NLGN1: variants seen among roughly 807,000 people sequenced by gnomAD.
The protein encoded by NLGN1 is neuroligin-1.
A neutral mutation model predicts 65.5 loss-of-function variants in NLGN1; 12 were observed. The observed-to-expected ratio is 0.18, with a 90% confidence interval of 0.12 to 0.30. The LOEUF (loss-of-function observed/expected upper bound fraction) is 0.30, where lower values mean the gene tolerates loss of function less well. NLGN1 is among the 10% of genes least tolerant of loss of function. The probability of loss-of-function intolerance (pLI) is 1.00; values close to 1 mark genes in which losing one functional copy is unlikely to be tolerated. For synonymous variants in NLGN1, 350 were observed against 359.5 expected (o/e 0.97, Z 0.30); for missense variants, 750 against 1,007.1 (o/e 0.74, Z 3.46).
intron 3 of NLGN1, among the ~76,000 whole-genome samples, chr3:173,720,946 C>T (rs937006666): frequency 5.3e-5 from 8 of 152,040 alleles, no homozygotes; most frequent in African/African-American, 1.4e-4. Flanking sequence ...GGAAGACTAC[C>T]GTGGTCTTGA....
At chr3:173,711,896 A>G (rs1451957639) in intron 3 of NLGN1, among the ~76,000 whole-genome samples, 4 of 152,198 alleles carry the variant, frequency 2.6e-5, no homozygotes, top group Non-Finnish European at 5.9e-5. Flanking sequence ...GAGTACGGAC[A>G]GTAGTGTTCC....
At chr3:173,589,378 T>C (rs983321561) in intron 2 of NLGN1, among the ~76,000 whole-genome samples, 1 of 152,062 alleles carries the variant, frequency 6.6e-6, no homozygotes, top group African/African-American at 2.4e-5. Flanking sequence ...TGCTGTCTCT[T>C]TGGAGGTGCT....
rs552082360 is a variant in NLGN1, at chr3:173,627,179, A to G, written c.493+22088A>G. On this transcript the variant is annotated intron_variant, in intron 3 of 6. Transcript: ENST00000457714. Reference sequence around the variant, plus strand: ...AATTTGTATGCATTTAAGGTGTACAATGTTTGTATCCTTTGACCATCTTCC... The same window carrying G: ...AATTTGTATGCATTTAAGGTGTACAGTGTTTGTATCCTTTGACCATCTTCC... Among the ~76,000 whole-genome samples the G allele has an allele frequency of 4.9e-4, 75 of 152,168 alleles. No individual in the cohort carries two copies. In the East Asian group the frequency reaches 6.0e-3, roughly 12 times the overall value.
In NLGN1 at chr3:173,966,539, C is replaced by T. The variant is rs551957346; in HGVS notation, c.646+158707C>T. Among the ~76,000 whole-genome samples the T allele has an allele frequency of 1.2e-3, 186 of 152,200 alleles. 1 individual carries two copies. The highest frequency in any genetic ancestry group is 3.7e-3 in the African/African-American group (155 of 41,536). On this transcript the variant is annotated intron_variant, in intron 4 of 6. Transcript: ENST00000457714. ...AAACAATATGGAAAACTGTAGATAT[C>T]GGTTTAAGAATATTCAGATGCCCCG...
chr3:174,014,760 C>T (rs2152447768), intron 4 of NLGN1, among the ~76,000 whole-genome samples: 1 of 152,228 alleles, frequency 6.6e-6, no homozygotes, highest in South Asian at 2.1e-4. Context: ...ATCTTTCTGA[C>T]CTTCTGTTTG....
At chr3:173,674,630 T>C (rs1314550243) in intron 3 of NLGN1, among the ~76,000 whole-genome samples, 2 of 143,636 alleles carry the variant, frequency 1.4e-5, no homozygotes, top group Admixed American at 1.3e-4. Flanking sequence ...TTTATACCTG[T>C]ATAAAGAAAT....
intron 4 of NLGN1, among the ~76,000 whole-genome samples, chr3:173,915,258 ATTTCCTATT>A (rs1740499227): frequency 6.6e-6 from 1 of 152,232 alleles, no homozygotes; most frequent in Non-Finnish European, 1.5e-5. Context: ...ATGAAAATCG[ATTTCCTATT>A]GGAAAAAACT....
At chr3:173,498,016 A>T (rs898864604) in intron 2 of NLGN1, among the ~76,000 whole-genome samples, 5 of 151,722 alleles carry the variant, frequency 3.3e-5, no homozygotes, top group African/African-American at 1.2e-4. Context: ...TTGTATTTGG[A>T]TGGTAAATGT....
intron 3 of NLGN1, among the ~76,000 whole-genome samples, chr3:173,674,350 G>C (rs1432958760): frequency 1.3e-5 from 2 of 151,802 alleles, no homozygotes; most frequent in Non-Finnish European, 2.9e-5. Flanking sequence ...CCCTTATTGT[G>C]TACAAAGCAC....
At chr3:174,028,197 T>C (rs1031635512) in intron 4 of NLGN1, among the ~76,000 whole-genome samples, 5 of 152,174 alleles carry the variant, frequency 3.3e-5, no homozygotes, top group Admixed American at 6.5e-5. Flanking sequence ...GCTGCAAAAA[T>C]GTCCAAAAAT....
At chr3:173,917,870 T>TGTGTGTGTGTG (rs10530688) in intron 4 of NLGN1, among the ~76,000 whole-genome samples, 5 of 151,908 alleles carry the variant, frequency 3.3e-5, no homozygotes, top group African/African-American at 7.3e-5. Flanking sequence ...TGTGTGTGTG[T>TGTGTGTGTGTG]TGGCCTTTAT....
intron 4 of NLGN1, among the ~76,000 whole-genome samples, chr3:174,208,522 A>G (rs1735840044): frequency 6.6e-6 from 1 of 152,196 alleles, no homozygotes; most frequent in Admixed American, 6.5e-5. Context: ...GATATAGGGC[A>G]GGTTCTCACT....
intron 4 of NLGN1, among the ~76,000 whole-genome samples, chr3:173,832,476 G>A (rs1004387746): frequency 3.3e-5 from 5 of 152,096 alleles, no homozygotes; most frequent in African/African-American, 1.2e-4. Flanking sequence ...TGCTGCCCTT[G>A]CAAAGAGAAA....
chr3:173,635,593 A>T (rs537583150), intron 3 of NLGN1, among the ~76,000 whole-genome samples: 21 of 152,142 alleles, frequency 1.4e-4, no homozygotes, highest in Admixed American at 7.2e-4. Context: ...TTCAGGAAAC[A>T]CGTTTTTGGA....
intron 4 of NLGN1, among the ~76,000 whole-genome samples, chr3:174,106,893 C>T (rs747978123): frequency 4.0e-5 from 6 of 151,542 alleles, no homozygotes; most frequent in Non-Finnish European, 7.4e-5. Flanking sequence ...TATTCAAGCC[C>T]TCAATAAGTT....
At chr3:173,493,936 C>T (rs1321534624) in intron 2 of NLGN1, among the ~76,000 whole-genome samples, 2 of 151,670 alleles carry the variant, frequency 1.3e-5, no homozygotes, top group Non-Finnish European at 1.5e-5. Context: ...CTATATTAAA[C>T]TTCCACATGG....
chr3:174,101,068 A>C (rs10936775), intron 4 of NLGN1, among the ~76,000 whole-genome samples: 29,955 of 152,006 alleles, frequency 0.2, 4,268 homozygotes, highest in African/African-American at 0.41. Context: ...ATATCAACAT[A>C]GGTAGTTGCT....
intron 4 of NLGN1, among the ~76,000 whole-genome samples, chr3:174,043,534 C>T (rs1481640367): frequency 6.6e-6 from 1 of 152,204 alleles, no homozygotes; most frequent in Non-Finnish European, 1.5e-5. Context: ...CATGCAAGCC[C>T]AAAATCCAAT....
chr3:173,514,018 A>G (rs769792873), intron 2 of NLGN1, among the ~76,000 whole-genome samples: 10 of 152,182 alleles, frequency 6.6e-5, no homozygotes, highest in Admixed American at 2.6e-4. Context: ...AACGTGTTAC[A>G]TTAACATTGC....
Sources: allele counts gnomAD v4.1 joint callset (sites outside exome capture counted in the v4.1 genomes callset), GRCh38; gene constraint gnomAD v4.1.1; transcripts MANE v1.5; gene names NCBI Gene and HGNC (gene_info 2026-07-23, HGNC 2026-07-21).